The following PLD1 variants were observed in gnomAD, a reference collection of about 807,000 sequenced individuals.
The protein encoded by PLD1 is phospholipase D1.
PLD1 carries 112 observed loss-of-function variants against 137.1 expected under a neutral mutation model. That is an observed-to-expected ratio of 0.82 (90% CI 0.70 to 0.96). PLD1 has a LOEUF of 0.96. Among genes scored for constraint, PLD1 ranks in the 40% least tolerant of loss-of-function variants. PLD1 has a pLI of 0.00. For missense variants in PLD1, 1,321 were observed against 1,342.0 expected, an observed-to-expected ratio of 0.98 and a Z score of 0.24; for synonymous variants, 431 against 454.7, an observed-to-expected ratio of 0.95 and a Z score of 0.66.
At chr3:171,741,295 T>C (rs1719756204) in intron 1 of PLD1, among the ~76,000 whole-genome samples, 1 of 152,232 alleles carries the variant, frequency 6.6e-6, no homozygotes, top group Admixed American at 6.5e-5. Context: ...GATTTGTCTA[T>C]CTCTACCTTT....
At chr3:171,656,603 C>T (rs887209119) in intron 21 of PLD1, among the ~76,000 whole-genome samples, 1 of 152,258 alleles carries the variant, frequency 6.6e-6, no homozygotes, top group East Asian at 1.9e-4. Flanking sequence ...AGGCCCCGAT[C>T]CAGGAAATTA....
At chr3:171,620,035 C>G (rs1733456920) in intron 24 of PLD1, among the ~76,000 whole-genome samples, 2 of 152,206 alleles carry the variant, frequency 1.3e-5, no homozygotes, top group African/African-American at 4.8e-5. Context: ...TTTAATTGCT[C>G]TGTACCTCTG....
intron 25 of PLD1, among the ~76,000 whole-genome samples, chr3:171,608,605 C>T (rs912809922): frequency 6.6e-6 from 1 of 152,058 alleles, no homozygotes; most frequent in Non-Finnish European, 1.5e-5. Flanking sequence ...GAGAGACTAG[C>T]GAGAAGCCAG....
At position 171,757,517 on chromosome 3, in the gene PLD1, T is replaced by G. The variant is rs528057546; in HGVS notation, c.-31-19435A>C. Among the ~76,000 whole-genome samples, 16 of 152,258 alleles carry G rather than the reference T, an allele frequency of 1.1e-4. No homozygotes were observed. The South Asian group carries it at 3.3e-3, about 32-fold the overall frequency. ...TTGGAAAAGACACGGGATGCAAAATTTTTAGTCTCTATTAGAGAAACAAGT... is the reference window on the plus strand; with the variant it reads ...TTGGAAAAGACACGGGATGCAAAATGTTTAGTCTCTATTAGAGAAACAAGT... On this transcript the variant is annotated intron_variant, in intron 1 of 26. Transcript: ENST00000351298.
chr3:171,707,352 G>T (rs1023408386), intron 11 of PLD1, among the ~76,000 whole-genome samples: 22 of 152,074 alleles, frequency 1.4e-4, no homozygotes, highest in African/African-American at 5.1e-4. Flanking sequence ...GAAAATCTAG[G>T]CTCAATAGAA....
intron 7 of PLD1, 99 bp downstream of exon 7, chr3:171,725,919 T>C: frequency 1.3e-6 from 1 of 799,360 alleles, no homozygotes; most frequent in Non-Finnish European, 2.2e-6. Context: ...AAGCTAGCAG[T>C]AAAGCCAGGA....
At chr3:171,653,039 T>C (rs1383356219) in intron 21 of PLD1, among the ~76,000 whole-genome samples, 1 of 152,140 alleles carries the variant, frequency 6.6e-6, no homozygotes, top group Non-Finnish European at 1.5e-5. Flanking sequence ...AAAGCACAAG[T>C]TGAGGTCCTA....
At chr3:171,623,886 TGGA>T (rs1733855774) in intron 23 of PLD1, among the ~76,000 whole-genome samples, 1 of 150,392 alleles carries the variant, frequency 6.6e-6, no homozygotes, top group Non-Finnish European at 1.5e-5. Flanking sequence ...AAACTCCAAA[TGGA>T]TCAGAGATAA....
chr3:171,607,674 G>A (rs559899130), intron 25 of PLD1, among the ~76,000 whole-genome samples: 1 of 152,228 alleles, frequency 6.6e-6, no homozygotes, highest in East Asian at 1.9e-4. Context: ...AAGTGGGACA[G>A]TAGGAAAACC....
At position 171,612,894 on chromosome 3, in the gene PLD1, A is replaced by G. The variant is rs1460513249; in HGVS notation, c.2729-462T>C. ...TGCTAAGTAGAAAAAAGAGCCAGGC[A>G]TGGTGGCTCATGTCTGTAATCCCAG... On this transcript the variant is annotated intron_variant, in intron 24 of 26. Transcript: ENST00000351298. The surrounding 1 kb of genome is among the most constrained non-coding windows in gnomAD (Gnocchi z 4.1). Among the ~76,000 whole-genome samples the G allele has an allele frequency of 1.3e-5, 2 of 152,332 alleles. No individual in the cohort carries two copies. Among genetic ancestry groups the G allele is most frequent in the South Asian group, 2.1e-4 (1 of 4,832 alleles).
At chr3:171,644,791 A>G (rs1448058852) in intron 22 of PLD1, 119 bp downstream of exon 22, 15 of 679,022 alleles carry the variant, frequency 2.2e-5, no homozygotes, top group Non-Finnish European at 3.5e-5. Flanking sequence ...AAAGTAAAAT[A>G]AAGTGTTCAT....
chr3:171,803,166 C>A (rs990649044), intron 1 of PLD1, among the ~76,000 whole-genome samples: 1 of 152,174 alleles, frequency 6.6e-6, no homozygotes, highest in African/African-American at 2.4e-5. Context: ...TCTATCTCTA[C>A]AAAAGGAAGA....
At chr3:171,696,136 G>A (rs905676702) in intron 12 of PLD1, among the ~76,000 whole-genome samples, 1 of 152,170 alleles carries the variant, frequency 6.6e-6, no homozygotes, top group African/African-American at 2.4e-5. Context: ...TCAACCTGAA[G>A]ACAAATTCTC....
chr3:171,620,536 G>T lies in PLD1; in HGVS notation c.2594-16C>A. 6.7e-7 allele frequency: 1 copy of T among 1,484,700 alleles called. No homozygotes were observed. The highest frequency in any genetic ancestry group is 9.3e-7 in the Non-Finnish European group (1 of 1,074,260). The allele number at this position is 1,484,700 out of a possible 1,614,324, so 92.0% of individuals were successfully genotyped here. A position where few individuals can be genotyped will look rare whatever the true frequency, so the allele number is the denominator to read the frequency against. ...TGATTACCAACTGCAAATTTAAAAA[G>T]AAATTATTAAAATTAATATGACCAA... On this transcript the variant is annotated splice_polypyrimidine_tract_variant and intron_variant, in intron 23 of 26. Transcript: ENST00000351298.
At chr3:171,704,487 G>C (rs1471700558) in intron 11 of PLD1, among the ~76,000 whole-genome samples, 1 of 142,454 alleles carries the variant, frequency 7.0e-6, no homozygotes, top group East Asian at 2.0e-4. Context: ...ACCTTATCTT[G>C]TACAGAAAAG....
rs1715148826 is a variant in PLD1, at chr3:171,691,480, T to A, written c.1338+852A>T. 3.9e-5 allele frequency among the ~76,000 whole-genome samples: 6 copies of A among 152,164 alleles called. 1 individual carries two copies. The South Asian group carries it at 1.2e-3, about 32-fold the overall frequency. On this transcript the variant is annotated intron_variant, in intron 13 of 26. Coordinates refer to ENST00000351298, the MANE Select transcript of PLD1 (RefSeq NM_002662.5). Reference sequence around the variant, plus strand: ...TTTCTTTTTGTTAAATAGCTATATATTTGATTGCTATTTTCTTTGCAGTTA... The same window carrying A: ...TTTCTTTTTGTTAAATAGCTATATAATTGATTGCTATTTTCTTTGCAGTTA...
chr3:171,692,238 A>G, intron 13 of PLD1, 94 bp downstream of exon 13: 1 of 641,234 alleles, frequency 1.6e-6, no homozygotes, highest in East Asian at 2.7e-5. Flanking sequence ...ACATTTGGGC[A>G]TTCTATAGAT....
intron 22 of PLD1, 105 bp downstream of exon 22, chr3:171,644,805 T>C (rs921672221): frequency 5.4e-6 from 4 of 738,772 alleles, no homozygotes; most frequent in African/African-American, 3.5e-5. Flanking sequence ...TGTTCATTTG[T>C]TCCCCACTCC....
chr3:171,703,158 A>T (rs1387037123), intron 11 of PLD1, among the ~76,000 whole-genome samples: 1 of 152,200 alleles, frequency 6.6e-6, no homozygotes, highest in Non-Finnish European at 1.5e-5. Flanking sequence ...TTAACAATAA[A>T]TACTCCCAAC....
Sources: gnomAD v4.1 joint callset for allele counts (sites outside exome capture counted in the v4.1 genomes callset) on GRCh38, gnomAD v4.1.1 for gene constraint, Gnocchi (gnomAD v3.1) non-coding constraint, MANE v1.5 for transcripts, NCBI Gene and HGNC (gene_info 2026-07-23, HGNC 2026-07-21) for gene names.